Variants in CDC16 observed in about 807,000 individuals in gnomAD.
The protein encoded by CDC16 is cell division cycle 16, also known as cell division cycle protein 16 homolog.
In CDC16, 34 loss-of-function variants were observed where a neutral mutation model predicts 87.0. The observed-to-expected ratio is 0.39, with a 90% CI of 0.30 to 0.52. The LOEUF is 0.52. Ranked by LOEUF, CDC16 falls within the 20% of genes least tolerant of loss-of-function variation. The pLI is 0.74. For missense variants in CDC16, 653 were observed against 751.9 expected (o/e 0.87, Z 1.54); for synonymous variants, 263 against 260.6 (o/e 1.01, Z -0.09).
chr13:114,256,910 A>G (rs879618785), intron 12 of CDC16, among the ~76,000 whole-genome samples, 168 bp from the exon 13 acceptor site: 2 of 152,244 alleles, frequency 1.3e-5, no homozygotes, highest in Non-Finnish European at 2.9e-5. Flanking sequence ...TGATTAGTCC[A>G]AAGCCCATTA....
intron 6 of CDC16, among the ~76,000 whole-genome samples, 193 bp from the exon 7 acceptor site, chr13:114,243,064 T>G (rs2081639429): frequency 6.6e-6 from 1 of 152,166 alleles, no homozygotes; most frequent in African/African-American, 2.4e-5. Flanking sequence ...AAGAGTAGCC[T>G]CCACCCACCA....
chr13:114,253,567 G>T (rs143333541), intron 12 of CDC16, among the ~76,000 whole-genome samples: 5,404 of 152,024 alleles, frequency 0.036, 127 homozygotes, highest in Non-Finnish European at 0.049. Flanking sequence ...GCTCACGCCT[G>T]TAGTCCCAGC....
At chr13:114,245,941 C>T (rs17291229) in intron 9 of CDC16, 59 bp from the exon 10 acceptor site, 2 of 872,762 alleles carry the variant, frequency 2.3e-6, no homozygotes, top group African/African-American at 3.4e-5. Flanking sequence ...GTAATGAAAT[C>T]ATGTCTTAAA....
At position 114,272,273 on chromosome 13, in the gene CDC16, T is replaced by A; in HGVS notation, c.1693T>A (p.Phe565Ile). 1.2e-6 allele frequency: 2 copies of A among 1,614,054 alleles called. No homozygotes were observed. The highest frequency in any genetic ancestry group is 1.7e-6 in the Non-Finnish European group (2 of 1,179,874). ...AAACATTATTTCACCTCCGTGGGAT[T>A]TCAGGGAATTTGAAGTAGAAAAACA... Reference protein sequence around the residue: ...LKNIISPPWDFREFEVEKQTA... With the variant: ...LKNIISPPWDIREFEVEKQTA... Residue 565 changes from phenylalanine (F) to isoleucine (I), a missense_variant, in exon 18 of 18, where the codon TTC becomes ATC. Transcript: ENST00000356221.
At chr13:114,244,717 A>ACTTAATTATGGC (rs2081752341) in intron 8 of CDC16, 173 bp from the exon 9 acceptor site, 1 of 414,244 alleles carries the variant, frequency 2.4e-6, no homozygotes, top group Non-Finnish European at 4.3e-6. Context: ...TTCATTTGTA[A>ACTTAATTATGGC]CTTAATTATG....
intron 12 of CDC16, among the ~76,000 whole-genome samples, chr13:114,252,136 A>G (rs2183052): frequency 2.0e-4 from 29 of 146,938 alleles, no homozygotes; most frequent in Admixed American, 1.8e-3. Flanking sequence ...GCCCTACACT[A>G]GCCCTGTTGG....
At position 114,272,717 on chromosome 13, in the gene CDC16, G is replaced by A. The variant is rs930706309; in HGVS notation, c.*274G>A. ...TTCTTTTCCAATAAACTTTTATTTT[G>A]GACTAATTTTTGATTTACAGAAAAA... is the stretch of plus-strand genomic sequence containing the variant. On this transcript the variant is annotated 3_prime_UTR_variant, in exon 18 of 18. Coordinates refer to ENST00000356221, the MANE Select transcript of CDC16 (RefSeq NM_001078645.3). 2.7e-5 allele frequency: 8 copies of A among 291,310 alleles called. No individual in the cohort carries two copies. The highest frequency in any genetic ancestry group is 1.5e-4 in the African/African-American group (7 of 45,728). 18.0% of individuals were successfully genotyped at this position (291,310 alleles called of 1,614,324 possible). A position where few individuals can be genotyped will look rare whatever the true frequency, so the allele number is the denominator to read the frequency against.
chr13:114,252,501 G>T (rs191090562), intron 12 of CDC16, among the ~76,000 whole-genome samples: 10 of 152,212 alleles, frequency 6.6e-5, no homozygotes, highest in Admixed American at 5.9e-4. Flanking sequence ...CCCAGTTATG[G>T]ATCCACCTAA....
chr13:114,253,001 A>C (rs2139022872), intron 12 of CDC16, among the ~76,000 whole-genome samples: 1 of 152,214 alleles, frequency 6.6e-6, no homozygotes, highest in African/African-American at 2.4e-5. Flanking sequence ...GCTGGGTTTG[A>C]TGGTGCCTGC....
chr13:114,250,759 G>T, intron 12 of CDC16, 85 bp downstream of exon 12: 1 of 1,344,644 alleles, frequency 7.4e-7, no homozygotes, highest in Non-Finnish European at 1.0e-6. Flanking sequence ...ACTGCTATTT[G>T]GTTGCTAAAC....
At chr13:114,267,423 C>T (rs1004741971) in intron 17 of CDC16, among the ~76,000 whole-genome samples, 1 of 152,098 alleles carries the variant, frequency 6.6e-6, no homozygotes, top group Non-Finnish European at 1.5e-5. Flanking sequence ...ATCACTTGAA[C>T]CCGGGAGGCA....
chr13:114,266,233 G>C (rs1374264973), intron 17 of CDC16, among the ~76,000 whole-genome samples: 1 of 152,090 alleles, frequency 6.6e-6, no homozygotes, highest in Admixed American at 6.6e-5. Context: ...ATGTGTCTTG[G>C]GGTTCCCTGA....
chr13:114,254,103 C>T (rs909164593), intron 12 of CDC16, among the ~76,000 whole-genome samples: 2 of 152,000 alleles, frequency 1.3e-5, no homozygotes, highest in East Asian at 1.9e-4. Flanking sequence ...TCTGATGTTA[C>T]TGTAGGCACA....
chr13:114,246,769 T>C (rs1190798333), intron 10 of CDC16, among the ~76,000 whole-genome samples, 162 bp from the exon 11 acceptor site: 1 of 152,206 alleles, frequency 6.6e-6, no homozygotes, highest in Non-Finnish European at 1.5e-5. Flanking sequence ...GTCTGCCCTC[T>C]TCTCTTGGAC....
intron 5 of CDC16, among the ~76,000 whole-genome samples, chr13:114,241,659 G>T (rs988749885): frequency 2.0e-5 from 3 of 152,148 alleles, no homozygotes; most frequent in Non-Finnish European, 2.9e-5. Flanking sequence ...TGCATTTTTT[G>T]TGTGTTTTTA....
intron 11 of CDC16, 126 bp downstream of exon 11, chr13:114,247,130 CCTTTCTTTT>C (rs1283571350): frequency 3.2e-6 from 2 of 630,448 alleles, no homozygotes; most frequent in African/African-American, 3.8e-5. Context: ...TTTTTTTCTT[CCTTTCTTTT>C]CTTTCTCTCT....
intron 6 of CDC16, 84 bp downstream of exon 6, chr13:114,242,364 A>G (rs758250775): frequency 1.7e-6 from 2 of 1,201,296 alleles, no homozygotes; most frequent in South Asian, 1.4e-5. Context: ...TTCTAAGTCA[A>G]CAACAGGCCA....
intron 12 of CDC16, among the ~76,000 whole-genome samples, chr13:114,253,560 C>G (rs1343506937): frequency 1.3e-5 from 2 of 151,888 alleles, no homozygotes; most frequent in Admixed American, 1.3e-4. Context: ...TGTGGTGGCT[C>G]ACGCCTGTAG....
intron 14 of CDC16, among the ~76,000 whole-genome samples, chr13:114,260,310 A>C (rs2139104712): frequency 6.6e-6 from 1 of 152,378 alleles, no homozygotes; most frequent in East Asian, 1.9e-4. Flanking sequence ...GTGTATATAA[A>C]GCAGGTGCCT....
Sources: gnomAD v4.1 joint callset for allele counts (sites outside exome capture counted in the v4.1 genomes callset) on GRCh38, gnomAD v4.1.1 for gene constraint, MANE v1.5 for transcripts, NCBI Gene and HGNC (gene_info 2026-07-23, HGNC 2026-07-21) for gene names.